The following CCNY variants were observed in gnomAD, a reference collection of about 807,000 sequenced individuals.
CCNY encodes the protein cyclin Y, also known as cyclin-Y.
CCNY carries 19 observed loss-of-function variants against 42.8 expected under a neutral mutation model. That is an observed-to-expected ratio of 0.44 (90% CI 0.31 to 0.65). The LOEUF is 0.65. Among genes scored for constraint, CCNY ranks in the 30% least tolerant of loss-of-function variants. CCNY has a pLI of 0.07. For synonymous variants in CCNY, 165 were observed against 162.7 expected, an observed-to-expected ratio of 1.01 and a Z score of -0.11; for missense variants, 370 against 437.3, an observed-to-expected ratio of 0.85 and a Z score of 1.37.
chr10:35,323,588 T>C (rs1835846111), intron 3 of CCNY, among the ~76,000 whole-genome samples: 1 of 152,164 alleles, frequency 6.6e-6, no homozygotes, highest in Non-Finnish European at 1.5e-5. Flanking sequence ...AAGACAAATC[T>C]GATCCACAGT....
At chr10:35,362,746 G>C (rs569367966) in intron 1 of CCNY, among the ~76,000 whole-genome samples, 1 of 151,710 alleles carries the variant, frequency 6.6e-6, no homozygotes, top group Non-Finnish European at 1.5e-5. Flanking sequence ...ACGGGGCTGC[G>C]GCCAGGCAGA....
chr10:35,392,956 A>G (rs1837445271), intron 1 of CCNY, among the ~76,000 whole-genome samples: 1 of 151,538 alleles, frequency 6.6e-6, no homozygotes, highest in African/African-American at 2.4e-5. Flanking sequence ...TTTAGCTACA[A>G]CCTCCCACCC....
At chr10:35,551,839 C>T (rs933741710) in intron 7 of CCNY, among the ~76,000 whole-genome samples, 3 of 152,126 alleles carry the variant, frequency 2.0e-5, no homozygotes, top group Non-Finnish European at 4.4e-5. Flanking sequence ...ACTTCACACA[C>T]ATTAGGATGA....
chr10:35,366,519 A>T (rs1343785078), intron 1 of CCNY, among the ~76,000 whole-genome samples: 1 of 152,224 alleles, frequency 6.6e-6, no homozygotes, highest in Non-Finnish European at 1.5e-5. Flanking sequence ...TATGTTTATT[A>T]TAAGTTATTA....
intron 1 of CCNY, among the ~76,000 whole-genome samples, chr10:35,467,564 A>G (rs1393173024): frequency 1.3e-5 from 2 of 152,218 alleles, no homozygotes; most frequent in African/African-American, 2.4e-5. Flanking sequence ...TTTTTAAACC[A>G]TCTTATATTT....
chr10:35,490,424 C>T (rs939414551), intron 2 of CCNY, among the ~76,000 whole-genome samples: 3 of 152,218 alleles, frequency 2.0e-5, no homozygotes, highest in Non-Finnish European at 4.4e-5. Flanking sequence ...TGTGCATGCC[C>T]ATGGCTGCCT....
At chr10:35,335,207 A>G (rs932010133), upstream of CCNY, among the ~76,000 whole-genome samples, 1 of 152,084 alleles carries the variant, frequency 6.6e-6, no homozygotes, top group Non-Finnish European at 1.5e-5. Flanking sequence ...GGGCGTCGGG[A>G]GGGAATGCGA....
Position 35,336,620 on chromosome 10 carries a change from C to T in CCNY, c.-434C>T, listed in dbSNP as rs1259588022. 2.0e-5 allele frequency among the ~76,000 whole-genome samples: 3 copies of T among 148,328 alleles called. No individual in the cohort carries two copies. Among genetic ancestry groups the T allele is most frequent in the Non-Finnish European group, 4.5e-5 (3 of 66,502 alleles). On this transcript the variant is annotated 5_prime_UTR_variant, in exon 1 of 10. Coordinates refer to ENST00000374704, the MANE Select transcript of CCNY (RefSeq NM_145012.6). ...GCCGTCCGGCGCGGACACGCGTGCC[C>T]CCGGCTTGAACCGGAACCTCTTGCC...
At chr10:35,280,205 T>C (rs1162171819) in intron 3 of CCNY, among the ~76,000 whole-genome samples, 1 of 152,152 alleles carries the variant, frequency 6.6e-6, no homozygotes, top group Non-Finnish European at 1.5e-5. Context: ...TGCATGCCTT[T>C]AGTCCCAGCT....
At chr10:35,292,782 T>G (rs1034679380) in intron 3 of CCNY, among the ~76,000 whole-genome samples, 11 of 119,534 alleles carry the variant, frequency 9.2e-5, no homozygotes, top group Admixed American at 2.4e-4. Flanking sequence ...TTTGTTTTTG[T>G]TTTTTTTTTT....
At chr10:35,421,697 A>G (rs1240651977) in intron 1 of CCNY, among the ~76,000 whole-genome samples, 13 of 152,030 alleles carry the variant, frequency 8.6e-5, no homozygotes, top group Admixed American at 8.5e-4. Context: ...GAGCTGAGTC[A>G]CTTGTTTTCC....
At chr10:35,354,837 CT>C (rs1224504694) in intron 1 of CCNY, among the ~76,000 whole-genome samples, 14 of 150,082 alleles carry the variant, frequency 9.3e-5, no homozygotes, top group Admixed American at 8.8e-4. Flanking sequence ...ACTGAGGCAG[CT>C]TTCTCCTTCA....
In CCNY at chr10:35,516,539, T is replaced by C; in HGVS notation, c.281T>C (p.Ile94Thr). 6.2e-7 allele frequency: 1 copy of C among 1,613,182 alleles called. No homozygotes were observed. Among genetic ancestry groups the C allele is most frequent in the Non-Finnish European group, 8.5e-7 (1 of 1,179,416 alleles). Reference sequence around the variant, plus strand: ...GTTTTCTAGCATCCTCCAGGACAAATAGCAAGGAAATACAGTTCCTGCTCC... The same window carrying C: ...GTTTTCTAGCATCCTCCAGGACAAACAGCAAGGAAATACAGTTCCTGCTCC... Reference protein sequence around the residue: ...LFINHHPPGQIARKYSSCSTI... With the variant: ...LFINHHPPGQTARKYSSCSTI... Residue 94 changes from isoleucine to threonine, a missense_variant, in exon 4 of 10, where the codon ATA (isoleucine) becomes ACA (threonine). By Grantham distance (89) the Ile-to-Thr change is moderately conservative. Transcript: ENST00000374704.
At chr10:35,282,720 C>CAAAAA (rs71033390) in intron 3 of CCNY, among the ~76,000 whole-genome samples, 12 of 88,032 alleles carry the variant, frequency 1.4e-4, no homozygotes, top group East Asian at 3.2e-4. Flanking sequence ...GAGACTGTCT[C>CAAAAA]AAAAAAAAAA....
At chr10:35,552,558 G>C (rs1841281410) in intron 7 of CCNY, among the ~76,000 whole-genome samples, 1 of 152,126 alleles carries the variant, frequency 6.6e-6, no homozygotes, top group Admixed American at 6.6e-5. Flanking sequence ...TAAATTACAT[G>C]TTGTGTATAT....
At chr10:35,558,979 G>C (rs1420217639) in intron 8 of CCNY, among the ~76,000 whole-genome samples, 1 of 152,238 alleles carries the variant, frequency 6.6e-6, no homozygotes, top group Non-Finnish European at 1.5e-5. Context: ...GTAAGGAATA[G>C]AGGCAGGAGG....
At chr10:35,248,765 G>A (rs1347823653) in intron 2 of CCNY, among the ~76,000 whole-genome samples, 2 of 152,198 alleles carry the variant, frequency 1.3e-5, no homozygotes, top group African/African-American at 4.8e-5. Context: ...CTTGATCCCA[G>A]GAGGCTGACG....
At chr10:35,467,743 G>A (rs1243180346) in intron 1 of CCNY, among the ~76,000 whole-genome samples, 2 of 152,162 alleles carry the variant, frequency 1.3e-5, no homozygotes, top group Admixed American at 1.3e-4. Flanking sequence ...TGTGTCTGAT[G>A]TTTCACCGTT....
intron 7 of CCNY, among the ~76,000 whole-genome samples, chr10:35,543,522 C>T (rs1341825939): frequency 6.6e-6 from 1 of 152,160 alleles, no homozygotes; most frequent in African/African-American, 2.4e-5. Context: ...CCTAGCGTAT[C>T]CTAGGTTTCA....
Sources: gnomAD v4.1 joint callset for allele counts (sites outside exome capture counted in the v4.1 genomes callset) on GRCh38, gnomAD v4.1.1 for gene constraint, MANE v1.5 for transcripts, NCBI Gene and HGNC (gene_info 2026-07-23, HGNC 2026-07-21) for gene names.